Variants in RTN4 observed in about 807,000 individuals in gnomAD.
The protein encoded by RTN4 is reticulon 4, also known as reticulon-4.
Under a neutral mutation model 90.4 loss-of-function variants are expected in RTN4, and 32 were observed. That is an observed-to-expected ratio of 0.35 (90% CI 0.27 to 0.48). The LOEUF (loss-of-function observed/expected upper bound fraction) is 0.48, where lower values mean the gene tolerates loss of function less well. Among genes scored for constraint, RTN4 ranks in the 20% least tolerant of loss-of-function variants. The probability of loss-of-function intolerance (pLI) is 0.99; values close to 1 mark genes in which losing one functional copy is unlikely to be tolerated. For synonymous variants in RTN4, 629 were observed against 552.5 expected (o/e 1.14, Z -1.94); for missense variants, 1,706 against 1,430.2 (o/e 1.19, Z -3.11).
intron 1 of RTN4, among the ~76,000 whole-genome samples, chr2:55,101,486 T>C (rs1380896193): frequency 6.6e-6 from 1 of 152,142 alleles, no homozygotes; most frequent in Non-Finnish European, 1.5e-5. Context: ...AAAAACAGTA[T>C]ACTTAGTCTT....
At chr2:54,982,305 C>A (rs1678199597) in intron 5 of RTN4, among the ~76,000 whole-genome samples, 1 of 151,862 alleles carries the variant, frequency 6.6e-6, no homozygotes, top group African/African-American at 2.4e-5. Flanking sequence ...ATACAGGACT[C>A]TCTGTATTAA....
Position 55,050,202 on chromosome 2 carries a change from G to A in RTN4, c.99C>T (p.Asp33=), listed in dbSNP as rs749600229. Residue 33 remains aspartate, a synonymous_variant, in exon 1 of 9, where the codon GAC becomes GAT. Transcript: ENST00000337526. This position sits in a 1 kb window ranked among gnomAD's most constrained non-coding sequence, Gnocchi z 4.6. The part of the protein sequence containing the change: ...FKYQFVREPE[D]EEEEEEEEEE... ...CTTCCTCCTCCTCTTCTTCCTCCTCGTCCTCGGGCTCCCTCACGAACTGGT... is the reference window on the plus strand; with the variant it reads ...CTTCCTCCTCCTCTTCTTCCTCCTCATCCTCGGGCTCCCTCACGAACTGGT... The A allele has an allele frequency of 1.3e-6, 2 of 1,568,926 alleles. No individual in the cohort carries two copies. The highest frequency in any genetic ancestry group is 1.8e-5 in the Admixed American group (1 of 55,404).
chr2:55,087,654 C>T (rs1323898674), intron 1 of RTN4, among the ~76,000 whole-genome samples: 1 of 151,870 alleles, frequency 6.6e-6, no homozygotes, highest in Non-Finnish European at 1.5e-5. Flanking sequence ...AAAGACTGTT[C>T]TTATTCATGT....
chr2:55,117,235 A>C (rs1251176765), upstream of RTN4, among the ~76,000 whole-genome samples: 12 of 152,238 alleles, frequency 7.9e-5, no homozygotes, highest in Non-Finnish European at 4.4e-5. Flanking sequence ...AAAGACAGAC[A>C]TGTGAGACCT....
At chr2:55,018,615 G>A (rs945450762) in intron 3 of RTN4, among the ~76,000 whole-genome samples, 1 of 151,908 alleles carries the variant, frequency 6.6e-6, no homozygotes, top group Non-Finnish European at 1.5e-5. Flanking sequence ...ATAATGTATT[G>A]GTGGTCTTAG....
At position 55,050,168 on chromosome 2, in the gene RTN4, C is replaced by G; in HGVS notation, c.133G>C (p.Glu45Gln). The change falls in exon 1 of 9, where the codon GAG (glutamate) becomes CAG (glutamine). Residue 45 changes from glutamate (E) to glutamine (Q), a missense_variant. Coordinates refer to ENST00000337526, the MANE Select transcript of RTN4 (RefSeq NM_020532.5). The surrounding 1 kb of genome is among the most constrained non-coding windows in gnomAD (Gnocchi z 4.6). ...EEEEEEEEEDEDEDLEELEVL... is the reference protein window; with the variant it reads ...EEEEEEEEEDQDEDLEELEVL... The stretch of plus-strand genomic sequence containing the variant: ...TCCAGCTCCTCCAGGTCTTCGTCCT[C>G]GTCCTCCTCTTCCTCCTCCTCTTCT... The G allele has an allele frequency of 6.4e-7, 1 of 1,566,806 alleles. No homozygotes were observed. Among genetic ancestry groups the G allele is most frequent in the Non-Finnish European group, 8.6e-7 (1 of 1,163,136 alleles).
intron 1 of RTN4, among the ~76,000 whole-genome samples, chr2:55,037,602 A>T (rs1271698306): frequency 6.6e-6 from 1 of 152,200 alleles, no homozygotes; most frequent in African/African-American, 2.4e-5. Context: ...GTGAGTAATA[A>T]AGTCCTCTGC....
At chr2:55,050,946 G>C (rs1822618), upstream of RTN4, 15,853 of 152,184 alleles carry the variant, frequency 0.1, 837 homozygotes, top group Middle Eastern at 0.15. This position sits in a 1 kb window ranked among gnomAD's most constrained non-coding sequence, Gnocchi z 4.6. Context: ...CTTTCCTCCC[G>C]GGAAAGGAAG....
chr2:55,023,766 A>G (rs1681618780), intron 3 of RTN4, among the ~76,000 whole-genome samples: 1 of 152,198 alleles, frequency 6.6e-6, no homozygotes, highest in Non-Finnish European at 1.5e-5. Context: ...AGTCTCATTC[A>G]CTTCTCAATC....
intron 1 of RTN4, among the ~76,000 whole-genome samples, chr2:55,092,608 G>C (rs909495648): frequency 1.3e-5 from 2 of 152,206 alleles, no homozygotes; most frequent in African/African-American, 2.4e-5. Context: ...CAAACTTGTG[G>C]AATGAGTATA....
chr2:55,117,864 C>T, the RTN4 span, among the ~76,000 whole-genome samples: 1 of 152,146 alleles, frequency 6.6e-6, no homozygotes, highest in Non-Finnish European at 1.5e-5. Flanking sequence ...CAAGGGTCTC[C>T]TGGGGTGCTG....
rs965948207 is a variant in RTN4, at chr2:54,980,113, C to T, written c.3360+2402G>A. 2.6e-5 allele frequency among the ~76,000 whole-genome samples: 4 copies of T among 152,106 alleles called. No homozygotes were observed. The East Asian group carries it at 5.8e-4, about 22-fold the overall frequency. ...ACTCAATGCAAGAACTTATCAAGTTCGATTTCTCTCATTTATGCTAGCTTC... is the reference window on the plus strand; with the variant it reads ...ACTCAATGCAAGAACTTATCAAGTTTGATTTCTCTCATTTATGCTAGCTTC... On this transcript the variant is annotated intron_variant, in intron 5 of 8. Coordinates refer to ENST00000337526, the MANE Select transcript of RTN4 (RefSeq NM_020532.5).
At chr2:54,977,356 G>A (rs1248638913) in intron 5 of RTN4, among the ~76,000 whole-genome samples, 1 of 150,908 alleles carries the variant, frequency 6.6e-6, no homozygotes, top group Non-Finnish European at 1.5e-5. Context: ...ATGAGCCTGA[G>A]AGCTAGATTT....
intron 2 of RTN4, among the ~76,000 whole-genome samples, chr2:55,064,015 T>C (rs1668348136): frequency 6.6e-6 from 1 of 151,844 alleles, no homozygotes; most frequent in South Asian, 2.1e-4. Flanking sequence ...GAGGCCAGGA[T>C]TTCAAGACAA....
intron 3 of RTN4, among the ~76,000 whole-genome samples, chr2:54,988,193 T>C (rs758308091): frequency 1.3e-5 from 2 of 152,138 alleles, no homozygotes; most frequent in Non-Finnish European, 2.9e-5. Context: ...GGCGCATGCC[T>C]GTAATTCCAG....
the RTN4 span, among the ~76,000 whole-genome samples, chr2:55,130,716 T>A: frequency 6.6e-6 from 1 of 152,082 alleles, no homozygotes; most frequent in African/African-American, 2.4e-5. Flanking sequence ...TCACCACATT[T>A]ACAATAGATC....
intron 1 of RTN4, among the ~76,000 whole-genome samples, chr2:55,046,077 G>A (rs1387082307): frequency 6.6e-6 from 1 of 152,058 alleles, no homozygotes; most frequent in Non-Finnish European, 1.5e-5. Context: ...GAAAATCAGG[G>A]CTTACTCATA....
At chr2:54,981,415 G>C (rs1422677357) in intron 5 of RTN4, among the ~76,000 whole-genome samples, 3 of 151,606 alleles carry the variant, frequency 2.0e-5, no homozygotes, top group Admixed American at 2.0e-4. Flanking sequence ...ATATAAACTA[G>C]AACATTTCTC....
At chr2:54,987,191 A>G (rs747599325) in intron 4 of RTN4, among the ~76,000 whole-genome samples, 10 of 152,228 alleles carry the variant, frequency 6.6e-5, no homozygotes, top group Non-Finnish European at 1.3e-4. Context: ...AAACCTACCC[A>G]TGTTAAAAAG....
Sources: gnomAD v4.1 joint callset for allele counts (sites outside exome capture counted in the v4.1 genomes callset) on GRCh38, gnomAD v4.1.1 for gene constraint, Gnocchi (gnomAD v3.1) non-coding constraint, MANE v1.5 for transcripts, NCBI Gene and HGNC (gene_info 2026-07-23, HGNC 2026-07-21) for gene names.